PGAM5: variants seen among roughly 807,000 people sequenced by gnomAD.
The protein encoded by PGAM5 is serine/threonine-protein phosphatase PGAM5, mitochondrial.
In PGAM5, 25 loss-of-function variants were observed where a neutral mutation model predicts 30.6. The ratio of observed to expected loss-of-function variants is 0.82; its 90% CI spans 0.60 to 1.14. PGAM5 has a LOEUF of 1.14. Among genes scored for constraint, PGAM5 ranks in the 50% most tolerant of loss-of-function variants. PGAM5 has a pLI of 0.00. For synonymous variants in PGAM5, 201 were observed against 179.1 expected (o/e 1.12, Z -0.98); for missense variants, 384 against 408.5 (o/e 0.94, Z 0.52).
intron 5 of PGAM5, chr12:132,718,654 T>C: frequency 2.5e-6 from 3 of 1,222,358 alleles, no homozygotes; most frequent in Non-Finnish European, 3.6e-6. Context: ...GTACGGTGCA[T>C]GCTGGGCGTC....
intron 5 of PGAM5, among the ~76,000 whole-genome samples, chr12:132,719,934 C>T (rs927412545): frequency 1.3e-5 from 2 of 152,380 alleles, no homozygotes; most frequent in East Asian, 3.9e-4. Context: ...AGAAAGGGAC[C>T]TGTTGCACTA....
intron 1 of PGAM5, among the ~76,000 whole-genome samples, chr12:132,712,722 C>T (rs1244976297): frequency 6.6e-6 from 1 of 152,054 alleles, no homozygotes; most frequent in Non-Finnish European, 1.5e-5. Flanking sequence ...TCCCAAAGTG[C>T]TGGGATTACA....
chr12:132,719,224 G>A, intron 5 of PGAM5: 4 of 1,143,198 alleles, frequency 3.5e-6, no homozygotes, highest in Non-Finnish European at 4.3e-6. Context: ...CAGCTGAGGG[G>A]GCCCTCTTGA....
intron 5 of PGAM5, 135 bp downstream of exon 5, chr12:132,718,255 C>G: frequency 3.5e-6 from 4 of 1,155,508 alleles, no homozygotes; most frequent in Admixed American, 2.5e-5. Context: ...CGGGCGTCCA[C>G]TTCCCGCGAG....
In PGAM5 at chr12:132,714,891, G is replaced by C. The variant is rs768992242; in HGVS notation, c.225G>C (p.Lys75Asn). Residue 75 changes from lysine (K) to asparagine (N), a missense_variant, in exon 2 of 6, where the codon AAG becomes AAC. Transcript: ENST00000498926. Reference protein sequence around the residue: ...REPLSLINVRKRNVESGEEEL... With the variant: ...REPLSLINVRNRNVESGEEEL... ...CACTGTCTCTGATCAACGTGCGGAAGAGGAACGTGGAATCTGGGGAAGAAG... is the reference window on the plus strand; with the variant it reads ...CACTGTCTCTGATCAACGTGCGGAACAGGAACGTGGAATCTGGGGAAGAAG... 2 of 1,613,786 alleles carry C rather than the reference G, an allele frequency of 1.2e-6. No homozygotes were observed. Among genetic ancestry groups the C allele is most frequent in the Middle Eastern group, 1.7e-4 (1 of 6,060 alleles).
intron 2 of PGAM5, 61 bp downstream of exon 2, chr12:132,715,097 G>T: frequency 6.2e-6 from 6 of 961,354 alleles, no homozygotes; most frequent in South Asian, 1.6e-5. Context: ...GTGCATATCT[G>T]CTGGCGCCTT....
chr12:132,717,832 C>T (rs202045849), intron 4 of PGAM5, 34 bp downstream of exon 4: 109 of 1,578,068 alleles, frequency 6.9e-5, no homozygotes, highest in Non-Finnish European at 9.0e-5. Flanking sequence ...CTGTGTCACC[C>T]TCGCCTTCCC....
At position 132,718,876 on chromosome 12, in the gene PGAM5, G is replaced by A. The variant is rs1056222499; in HGVS notation, c.719+756G>A. 47 of 1,610,092 alleles carry A rather than the reference G, an allele frequency of 2.9e-5. 1 individual carries two copies. Among genetic ancestry groups the A allele is most frequent in the East Asian group, 1.8e-4 (8 of 44,840 alleles). ...GCCAGCGTGACGGCTCGGGGTGTCCGCTCCCCTCTGGGTCGAGGCCACAGC... is the reference window on the plus strand; with the variant it reads ...GCCAGCGTGACGGCTCGGGGTGTCCACTCCCCTCTGGGTCGAGGCCACAGC... On this transcript the variant is annotated intron_variant, in intron 5 of 5. Coordinates refer to ENST00000498926, the MANE Select transcript of PGAM5 (RefSeq NM_001170543.2).
chr12:132,710,890 A>C lies in PGAM5; in HGVS notation c.14A>C (p.Gln5Pro). The change falls in exon 1 of 6, where the codon CAG becomes CCG. Residue 5 changes from glutamine (Q) to proline (P), a missense_variant. By Grantham distance (76) the Gln-to-Pro change is moderately conservative. Coordinates refer to ENST00000498926, the MANE Select transcript of PGAM5 (RefSeq NM_001170543.2). MAFR[Q>P]ALQLAACGLA... ...GGAGCAAGCGGCATGGCGTTCCGGCAGGCGCTGCAGCTGGCGGCCTGCGGG... is the reference window on the plus strand; with the variant it reads ...GGAGCAAGCGGCATGGCGTTCCGGCCGGCGCTGCAGCTGGCGGCCTGCGGG... The C allele has an allele frequency of 8.8e-7, 1 of 1,138,360 alleles. No individual in the cohort carries two copies. Among genetic ancestry groups the C allele is most frequent in the Non-Finnish European group, 1.1e-6 (1 of 929,664 alleles). 70.5% of individuals were successfully genotyped at this position (1,138,360 alleles called of 1,614,324 possible). A position where few individuals can be genotyped will look rare whatever the true frequency, so the allele number is the denominator to read the frequency against.
At chr12:132,711,563 G>A (rs1266768547) in intron 1 of PGAM5, 2 of 152,228 alleles carry the variant, frequency 1.3e-5, no homozygotes, top group Non-Finnish European at 2.9e-5. Context: ...GAGGCCGGAG[G>A]ATCGCTTGAG....
chr12:132,719,108 A>T (rs897218909), intron 5 of PGAM5: 14 of 1,374,272 alleles, frequency 1.0e-5, no homozygotes, highest in Admixed American at 3.2e-5. Context: ...CTCTACGGTT[A>T]CATGCCTGAA....
At chr12:132,714,471 C>T (rs554106923) in intron 1 of PGAM5, among the ~76,000 whole-genome samples, 33 of 152,222 alleles carry the variant, frequency 2.2e-4, no homozygotes, top group Admixed American at 6.5e-4. Flanking sequence ...TCAGGGAGGC[C>T]CATCTTGGCC....
chr12:132,718,812 C>T, intron 5 of PGAM5: 1 of 1,613,548 alleles, frequency 6.2e-7, no homozygotes, highest in Non-Finnish European at 8.5e-7. Context: ...GGGTCCTGAC[C>T]TCTTTCACTT....
At position 132,717,370 on chromosome 12, in the gene PGAM5, G is replaced by C. The variant is rs1407753169; in HGVS notation, c.371-69G>C. 2.0e-6 allele frequency: 3 copies of C among 1,525,354 alleles called. No individual in the cohort carries two copies. In the African/African-American group the frequency reaches 4.2e-5, roughly 22 times the overall value. The allele number at this position is 1,525,354 out of a possible 1,614,324, so 94.5% of individuals were successfully genotyped here. On this transcript the variant is annotated intron_variant, in intron 2 of 5. Transcript: ENST00000498926. Reference sequence around the variant, plus strand: ...GGTGGAGGAGGGCGTGTTTGCGGGCGGAGGAGGGGGTGTTTGAGGGTGGAG... The same window carrying C: ...GGTGGAGGAGGGCGTGTTTGCGGGCCGAGGAGGGGGTGTTTGAGGGTGGAG...
In PGAM5 at chr12:132,720,972, T is replaced by C. The variant is rs914811115; in HGVS notation, c.*144T>C. On this transcript the variant is annotated 3_prime_UTR_variant, in exon 6 of 6. Transcript: ENST00000498926. ...TGTGACCAGGCTGAGAAGGGGAGAG[T>C]TGGGATCAGACAGCCTGACTTCTCT... The C allele has an allele frequency of 1.2e-5, 13 of 1,062,026 alleles. No individual in the cohort carries two copies. Among genetic ancestry groups the C allele is most frequent in the Non-Finnish European group, 1.7e-5 (13 of 760,728 alleles). 65.8% of individuals were successfully genotyped at this position (1,062,026 alleles called of 1,614,324 possible). A position where few individuals can be genotyped will look rare whatever the true frequency, so the allele number is the denominator to read the frequency against.
Position 132,714,908 on chromosome 12 carries a change from G to A in PGAM5, c.242G>A (p.Gly81Glu), listed in dbSNP as rs1276716957. 1.2e-6 allele frequency: 2 copies of A among 1,613,728 alleles called. No homozygotes were observed. The highest frequency in any genetic ancestry group is 1.7e-6 in the Non-Finnish European group (2 of 1,179,984). The change falls in exon 2 of 6, where the codon GGG becomes GAG. Residue 81 changes from glycine (G) to glutamate (E), a missense_variant. Gly to Glu is a moderately conservative substitution (Grantham distance 98, BLOSUM62 -2). Transcript: ENST00000498926. ...GTGCGGAAGAGGAACGTGGAATCTG[G>A]GGAAGAAGAGCTGGCGTCCAAGCTG... ...INVRKRNVES[G>E]EEELASKLDH...
In PGAM5 at chr12:132,718,034, C is replaced by T. The variant is rs746814292; in HGVS notation, c.633C>T (p.Tyr211=). ...GGATCGAGGCCGCCTTCCGGAACTA[C>T]ATCCACCGCGCAGATGCCAGGCAGG... is the stretch of plus-strand genomic sequence containing the variant. The part of the protein sequence containing the change: ...GARIEAAFRN[Y]IHRADARQEE... Residue 211 remains tyrosine (Y), a synonymous_variant, in exon 5 of 6, where the codon TAC becomes TAT. Coordinates refer to ENST00000498926, the MANE Select transcript of PGAM5 (RefSeq NM_001170543.2). 4 of 1,612,862 alleles carry T rather than the reference C, an allele frequency of 2.5e-6. No individual in the cohort carries two copies. In the South Asian group the frequency reaches 3.3e-5, roughly 13 times the overall value.
intron 5 of PGAM5, among the ~76,000 whole-genome samples, chr12:132,719,326 G>A (rs777324900): frequency 5.3e-5 from 8 of 151,012 alleles, no homozygotes; most frequent in Non-Finnish European, 1.0e-4. Flanking sequence ...CTGTCACCTG[G>A]GCCTGTCACC....
chr12:132,714,374 T>A (rs2136080856), intron 1 of PGAM5, among the ~76,000 whole-genome samples: 1 of 152,352 alleles, frequency 6.6e-6, no homozygotes, highest in East Asian at 1.9e-4. Flanking sequence ...TTTTATTTAA[T>A]TTTGCTTAAA....
Sources: allele counts gnomAD v4.1 joint callset (sites outside exome capture counted in the v4.1 genomes callset), GRCh38; gene constraint gnomAD v4.1.1; transcripts MANE v1.5; gene names NCBI Gene and HGNC (gene_info 2026-07-23, HGNC 2026-07-21).